The following TENM3 variants were observed in gnomAD, a reference collection of about 807,000 sequenced individuals.
The protein encoded by TENM3 is teneurin transmembrane protein 3, also known as teneurin-3.
A neutral mutation model predicts 255.1 loss-of-function variants in TENM3; 63 were observed. The observed-to-expected ratio is 0.25, with a 90% CI of 0.20 to 0.30. The LOEUF is 0.30. TENM3 is among the 10% of genes least tolerant of loss of function. The pLI, the probability that TENM3 is intolerant of heterozygous loss-of-function variation, is 1.00. For synonymous variants in TENM3, 1,306 were observed against 1,322.3 expected, an observed-to-expected ratio of 0.99 and a Z score of 0.27; for missense variants, 2,929 against 3,461.1, an observed-to-expected ratio of 0.85 and a Z score of 3.86.
At chr4:181,866,287 C>T in the TENM3 span, among the ~76,000 whole-genome samples, 1 of 152,308 alleles carries the variant, frequency 6.6e-6, no homozygotes, top group East Asian at 1.9e-4. Flanking sequence ...AAGTTTCTAA[C>T]ATCCTCCTGG....
the TENM3 span, among the ~76,000 whole-genome samples, chr4:181,566,982 G>A: frequency 1.3e-5 from 2 of 152,256 alleles, no homozygotes; most frequent in South Asian, 4.1e-4. Flanking sequence ...CTCCAAATAG[G>A]GTTCTGGCCT....
At chr4:182,500,895 G>A (rs1220821761) in intron 3 of TENM3, among the ~76,000 whole-genome samples, 1 of 152,006 alleles carries the variant, frequency 6.6e-6, no homozygotes, top group East Asian at 1.9e-4. Context: ...AGAAAAATTG[G>A]TTATAGGAGA....
rs368885789 is a variant in TENM3, at chr4:182,298,356, C to T, written c.-75-25590C>T. On this transcript the variant is annotated intron_variant, in intron 1 of 27. Transcript: ENST00000511685. ...AAACGCCTCAGAAGGGCCTGTGATG[C>T]CATGGCAGACACTCCAAGCTCCTCA... Among the ~76,000 whole-genome samples the T allele has an allele frequency of 2.6e-5, 4 of 152,234 alleles. No homozygotes were observed. In the East Asian group the frequency reaches 7.8e-4, roughly 30 times the overall value.
At chr4:182,773,199 T>C (rs974110678) in intron 22 of TENM3, among the ~76,000 whole-genome samples, 8 of 152,214 alleles carry the variant, frequency 5.3e-5, no homozygotes, top group Non-Finnish European at 7.3e-5. Context: ...GCAAATTAGA[T>C]GTGCAGGAGG....
At chr4:182,395,228 G>A (rs1177561107) in intron 3 of TENM3, among the ~76,000 whole-genome samples, 1 of 152,110 alleles carries the variant, frequency 6.6e-6, no homozygotes, top group African/African-American at 2.4e-5. Flanking sequence ...CATTTTAGGA[G>A]TAACATTGAG....
chr4:181,598,402 G>A, the TENM3 span, among the ~76,000 whole-genome samples: 1 of 151,996 alleles, frequency 6.6e-6, no homozygotes, highest in Non-Finnish European at 1.5e-5. Context: ...CCTCAACATT[G>A]GATTTGGGGT....
chr4:182,565,465 G>A (rs370492145), intron 3 of TENM3, among the ~76,000 whole-genome samples: 5 of 152,102 alleles, frequency 3.3e-5, no homozygotes, highest in South Asian at 4.1e-4. Context: ...AAGTCCTCCC[G>A]AAGGATATAG....
At chr4:181,780,587 G>A in the TENM3 span, among the ~76,000 whole-genome samples, 1 of 152,102 alleles carries the variant, frequency 6.6e-6, no homozygotes, top group Non-Finnish European at 1.5e-5. Flanking sequence ...TCTGTAGGTT[G>A]CCTGTTCGCT....
intron 16 of TENM3, among the ~76,000 whole-genome samples, chr4:182,733,915 A>T (rs892958751): frequency 6.6e-6 from 1 of 152,206 alleles, no homozygotes; most frequent in Non-Finnish European, 1.5e-5. Flanking sequence ...AAACTAGGAC[A>T]TTAAAATGGG....
At chr4:182,141,358 A>G (rs1579475821), upstream of TENM3, 1 of 152,278 alleles carries the variant, frequency 6.6e-6, no homozygotes, top group Non-Finnish European at 1.5e-5. Context: ...CAGTGAGGTA[A>G]AAAGCATGAT....
At chr4:182,584,637 T>C (rs982870711) in intron 3 of TENM3, among the ~76,000 whole-genome samples, 4 of 152,188 alleles carry the variant, frequency 2.6e-5, no homozygotes, top group African/African-American at 4.8e-5. Context: ...TAGGTGTTTC[T>C]TTGCCTTTTT....
At chr4:181,527,804 C>CT in the TENM3 span, among the ~76,000 whole-genome samples, 19,227 of 151,010 alleles carry the variant, frequency 0.13, 1,344 homozygotes, top group East Asian at 0.2. Context: ...TGCTTGTAGT[C>CT]TTTTTTTTCG....
intron 3 of TENM3, among the ~76,000 whole-genome samples, chr4:182,535,686 G>C (rs1445582450): frequency 6.6e-6 from 1 of 151,672 alleles, no homozygotes; most frequent in Non-Finnish European, 1.5e-5. Flanking sequence ...GCTGAAGTGA[G>C]CTATGATCGC....
Position 182,679,737 on chromosome 4 carries a change from G to A in TENM3, c.1398G>A (p.Glu466=), listed in dbSNP as rs371284310. The A allele has an allele frequency of 1.9e-6, 3 of 1,613,834 alleles. No homozygotes were observed. Among genetic ancestry groups the A allele is most frequent in the Non-Finnish European group, 2.5e-6 (3 of 1,179,896 alleles). Residue 466 remains glutamate, a synonymous_variant, in exon 8 of 28, where the codon GAG becomes GAA. Transcript: ENST00000511685. ...AGCAGCGGAGCCTGCTTGAGACGGAGAGAGCCGGGCGGCAGGCGAGATCCG... is the reference window on the plus strand; with the variant it reads ...AGCAGCGGAGCCTGCTTGAGACGGAAAGAGCCGGGCGGCAGGCGAGATCCG... ...AREQRSLLET[E]RAGRQARSVS...
chr4:181,919,417 A>C, the TENM3 span, among the ~76,000 whole-genome samples: 1 of 127,166 alleles, frequency 7.9e-6, no homozygotes, highest in Non-Finnish European at 1.7e-5. Flanking sequence ...TGTATTGGGA[A>C]GAAAATATTA....
the TENM3 span, among the ~76,000 whole-genome samples, chr4:181,903,329 C>T: frequency 3.3e-5 from 5 of 152,324 alleles, no homozygotes; most frequent in African/African-American, 1.2e-4. Flanking sequence ...CATTTACCTT[C>T]TCACTCTACA....
the TENM3 span, among the ~76,000 whole-genome samples, chr4:181,748,550 A>T: frequency 6.6e-6 from 1 of 152,090 alleles, no homozygotes; most frequent in Non-Finnish European, 1.5e-5. Flanking sequence ...TATTTTGTCC[A>T]TGTTTTTGCT....
the TENM3 span, among the ~76,000 whole-genome samples, chr4:181,985,064 C>T: frequency 2.6e-5 from 4 of 151,986 alleles, no homozygotes; most frequent in African/African-American, 9.7e-5. Flanking sequence ...AATGCTCATT[C>T]AGTCTTATGT....
At chr4:182,667,039 G>A (rs945124609) in intron 6 of TENM3, among the ~76,000 whole-genome samples, 1 of 152,128 alleles carries the variant, frequency 6.6e-6, no homozygotes. Flanking sequence ...TGGTGGTCTG[G>A]AACAAAATGT....
Sources: allele counts gnomAD v4.1 joint callset (sites outside exome capture counted in the v4.1 genomes callset), GRCh38; gene constraint gnomAD v4.1.1; transcripts MANE v1.5; gene names NCBI Gene and HGNC (gene_info 2026-07-23, HGNC 2026-07-21).